PDF: variants seen among roughly 807,000 people sequenced by gnomAD.
The protein encoded by PDF is peptide deformylase-like protein.
A neutral mutation model predicts 20.3 loss-of-function variants in PDF; 31 were observed. The ratio of observed to expected loss-of-function variants is 1.52; its 90% CI spans 1.15 to 2.06. The LOEUF is 2.06. PDF is among the 30% of genes most tolerant of loss of function. PDF has a pLI of 0.00. For missense variants in PDF, 447 were observed against 362.5 expected (o/e 1.23, Z -1.89); for synonymous variants, 254 against 172.0 (o/e 1.48, Z -3.73).
In PDF at chr16:69,330,095, C is replaced by T. The variant is rs146706303; in HGVS notation, c.476G>A (p.Arg159Gln). 1.1e-4 allele frequency: 167 copies of T among 1,579,374 alleles called. No homozygotes were observed. The African/African-American group carries it at 1.8e-3, about 17-fold the overall frequency. ...PLRVFVNPSLRVLDSRLVTFP... is the reference protein window; with the variant it reads ...PLRVFVNPSLQVLDSRLVTFP... ...GGTGACCAGGCGGCTGTCAAGCACT[C>T]GCAGGCTGGGGTTCACGAACACGCG... Residue 159 changes from arginine to glutamine, a missense_variant, in exon 1 of 2, where the codon CGA (arginine) becomes CAA (glutamine). Physicochemically the swap from Arg to Gln is conservative, Grantham distance 43. Coordinates refer to ENST00000288022, the MANE Select transcript of PDF (RefSeq NM_022341.2).
intron 1 of PDF, 80 bp downstream of exon 1, chr16:69,329,917 G>T: frequency 1.4e-6 from 2 of 1,413,614 alleles, no homozygotes; most frequent in South Asian, 2.9e-5. Flanking sequence ...TATGAACCGC[G>T]ACCACTTCTG....
In PDF at chr16:69,330,509, C is replaced by G; in HGVS notation, c.62G>C (p.Gly21Ala). ...AGCCCGGACACCGACGGCTGCCGCC[C>G]CGCCCCACGGCACGGCCGCCCACAG... ...WPLWAAVPWG[G>A]AAAVGVRACS... is the part of the protein sequence containing the mutation. The change falls in exon 1 of 2, where the codon GGG becomes GCG. Residue 21 changes from glycine (G) to alanine (A), a missense_variant. Physicochemically the swap from Gly to Ala is moderately conservative, Grantham distance 60 (BLOSUM62 0). Transcript: ENST00000288022. 6.8e-7 allele frequency: 1 copy of G among 1,472,374 alleles called. No individual in the cohort carries two copies. The highest frequency in any genetic ancestry group is 8.9e-7 in the Non-Finnish European group (1 of 1,120,524). The allele number at this position is 1,472,374 out of a possible 1,614,324, so 91.2% of individuals were successfully genotyped here.
Position 69,330,336 on chromosome 16 carries a change from C to A in PDF, c.235G>T (p.Ala79Ser). 6.9e-7 allele frequency: 1 copy of A among 1,457,780 alleles called. No individual in the cohort carries two copies. Among genetic ancestry groups the A allele is most frequent in the Non-Finnish European group, 9.0e-7 (1 of 1,112,254 alleles). The allele number at this position is 1,457,780 out of a possible 1,614,324, so 90.3% of individuals were successfully genotyped here. A position where few individuals can be genotyped will look rare whatever the true frequency, so the allele number is the denominator to read the frequency against. Residue 79 changes from alanine to serine, a missense_variant, in exon 1 of 2, where the codon GCG becomes TCG. By Grantham distance (99) the Ala-to-Ser change is moderately conservative. Coordinates refer to ENST00000288022, the MANE Select transcript of PDF (RefSeq NM_022341.2). ...QVGDPVLRGVAAPVERAQLGG... is the reference protein window; with the variant it reads ...QVGDPVLRGVSAPVERAQLGG... Reference sequence around the variant, plus strand: ...AGCTGCGCCCGCTCCACCGGGGCCGCCACGCCGCGCAGCACCGGGTCCCCG... The same window carrying A: ...AGCTGCGCCCGCTCCACCGGGGCCGACACGCCGCGCAGCACCGGGTCCCCG...
Position 69,330,372 on chromosome 16 carries a change from C to G in PDF, c.199G>C (p.Val67Leu), listed in dbSNP as rs1193140900. Reference sequence around the variant, plus strand: ...AGCACCGGGTCCCCGACTTGGCACACGTGCGAGAACGGCGGTTCGGGAGGA... The same window carrying G: ...AGCACCGGGTCCCCGACTTGGCACAGGTGCGAGAACGGCGGTTCGGGAGGA... ...LGPPEPPFSHVCQVGDPVLRG... is the reference protein window; with the variant it reads ...LGPPEPPFSHLCQVGDPVLRG... Residue 67 changes from valine to leucine, a missense_variant, in exon 1 of 2, where the codon GTG (valine) becomes CTG (leucine). Physicochemically the swap from Val to Leu is conservative, Grantham distance 32. Coordinates refer to ENST00000288022, the MANE Select transcript of PDF (RefSeq NM_022341.2). The G allele has an allele frequency of 4.7e-6, 7 of 1,479,152 alleles. No individual in the cohort carries two copies. The highest frequency in any genetic ancestry group is 1.5e-5 in the African/African-American group (1 of 68,312). The allele number at this position is 1,479,152 out of a possible 1,614,324, so 91.6% of individuals were successfully genotyped here. A position where few individuals can be genotyped will look rare whatever the true frequency, so the allele number is the denominator to read the frequency against.
rs1462254794 is a variant in PDF at position 69,327,570 on chromosome 16, G to A, written c.*1452C>T. The A allele has an allele frequency of 2.0e-5, 3 of 151,996 alleles. No individual in the cohort carries two copies. The highest frequency in any genetic ancestry group is 4.4e-5 in the Non-Finnish European group (3 of 68,034). The allele number at this position is 151,996 out of a possible 1,614,324, so 9.4% of individuals were successfully genotyped here. ...ACAAAGGAGGATGGGTCTTTCCTGG[G>A]TTCATTTAACTGCCATTTATAACAC... On this transcript the variant is annotated 3_prime_UTR_variant, in exon 2 of 2. Coordinates refer to ENST00000288022, the MANE Select transcript of PDF (RefSeq NM_022341.2).
At chr16:69,329,274 T>G in intron 1 of PDF, 95 bp from the exon 2 acceptor site, 1 of 1,333,608 alleles carries the variant, frequency 7.5e-7, no homozygotes, top group Non-Finnish European at 9.8e-7. Context: ...CTGTTCCCAT[T>G]GACAAGAGGC....
At chr16:69,329,301 T>G (rs1486688989) in intron 1 of PDF, 122 bp from the exon 2 acceptor site, 2 of 1,029,100 alleles carry the variant, frequency 1.9e-6, no homozygotes, top group Non-Finnish European at 2.7e-6. Flanking sequence ...AGATGGCAAA[T>G]GTAGACAGCA....
In PDF at chr16:69,327,708, A is replaced by T. The variant is rs1291620821; in HGVS notation, c.*1314T>A. On this transcript the variant is annotated 3_prime_UTR_variant, in exon 2 of 2. Transcript: ENST00000288022. Reference sequence around the variant, plus strand: ...AAACTCAGCATAAAAATGAGGTGAAACAGTTTAACTAAAACTGGAGTTTGG... The same window carrying T: ...AAACTCAGCATAAAAATGAGGTGAATCAGTTTAACTAAAACTGGAGTTTGG... The T allele has an allele frequency of 6.6e-6, 1 of 152,130 alleles. No individual in the cohort carries two copies. The highest frequency in any genetic ancestry group is 1.5e-5 in the Non-Finnish European group (1 of 68,042). 9.4% of individuals were successfully genotyped at this position (152,130 alleles called of 1,614,324 possible). A position where few individuals can be genotyped will look rare whatever the true frequency, so the allele number is the denominator to read the frequency against.
rs2011700226 is a variant in PDF at position 69,330,344 on chromosome 16, C to T, written c.227G>A (p.Arg76His). Residue 76 changes from arginine (R) to histidine (H), a missense_variant, in exon 1 of 2, where the codon CGC becomes CAC. Transcript: ENST00000288022. ...HVCQVGDPVL[R>H]GVAAPVERAQ... Reference sequence around the variant, plus strand: ...CCGCTCCACCGGGGCCGCCACGCCGCGCAGCACCGGGTCCCCGACTTGGCA... The same window carrying T: ...CCGCTCCACCGGGGCCGCCACGCCGTGCAGCACCGGGTCCCCGACTTGGCA... 2 of 1,468,896 alleles carry T rather than the reference C, an allele frequency of 1.4e-6. No homozygotes were observed. The highest frequency in any genetic ancestry group is 1.5e-5 in the African/African-American group (1 of 68,152). 91.0% of individuals were successfully genotyped at this position (1,468,896 alleles called of 1,614,324 possible).
Position 69,330,122 on chromosome 16 carries a change from AG to A in PDF, c.448del (p.Leu150CysfsTer5). 1 of 1,582,448 alleles carries A rather than the reference AG, an allele frequency of 6.3e-7. No individual in the cohort carries two copies. The highest frequency in any genetic ancestry group is 8.6e-7 in the Non-Finnish European group (1 of 1,167,128). ...RALRQMEPFP[L>X]RVFVNPSLRV... is the part of the protein sequence containing the mutation. ...CAGGCTGGGGTTCACGAACACGCGC[AG>A]GGGGAAGGGCTCCATTTGGCGGAGC... On this transcript the variant is annotated frameshift_variant, in exon 1 of 2. Transcript: ENST00000288022. LOFTEE classifies it high-confidence loss of function.
chr16:69,330,229 C>T lies in PDF; in HGVS notation c.342G>A (p.Pro114=). The change falls in exon 1 of 2, where the codon CCG becomes CCA. Residue 114 remains proline (P), a synonymous_variant. Transcript: ENST00000288022. Reference sequence around the variant, plus strand: ...GCACCTGCCGCGGCACCCCCAGCTGCGGCGCGCTTAGGCCCACGCAGCGCC... The same window carrying T: ...GCACCTGCCGCGGCACCCCCAGCTGTGGCGCGCTTAGGCCCACGCAGCGCC... ...RRRRCVGLSA[P]QLGVPRQVLA... The T allele has an allele frequency of 6.9e-7, 1 of 1,451,302 alleles. No homozygotes were observed. 89.9% of individuals were successfully genotyped at this position (1,451,302 alleles called of 1,614,324 possible).
At chr16:69,329,791 G>A (rs1007780648) in intron 1 of PDF, among the ~76,000 whole-genome samples, 2 of 152,216 alleles carry the variant, frequency 1.3e-5, no homozygotes, top group South Asian at 2.1e-4. Flanking sequence ...CGGAACTAGG[G>A]GACCTCTCCT....
rs1382318950 is a variant in PDF, at chr16:69,328,943, G to A, written c.*79C>T. On this transcript the variant is annotated 3_prime_UTR_variant, in exon 2 of 2. Transcript: ENST00000288022. ...TCATATGCGAGCCATCCAAGTTGAT[G>A]CCAAGTAAGATTTGCCCAGCTCAAA... 3 of 1,538,360 alleles carry A rather than the reference G, an allele frequency of 2.0e-6. No individual in the cohort carries two copies. The highest frequency in any genetic ancestry group is 2.8e-5 in the African/African-American group (2 of 71,432).
chr16:69,327,768 T>C lies in PDF; in HGVS notation c.*1254A>G, dbSNP rs1965645928. 6.6e-6 allele frequency: 1 copy of C among 151,888 alleles called. No individual in the cohort carries two copies. Among genetic ancestry groups the C allele is most frequent in the South Asian group, 2.1e-4 (1 of 4,810 alleles). The allele number at this position is 151,888 out of a possible 1,614,324, so 9.4% of individuals were successfully genotyped here. On this transcript the variant is annotated 3_prime_UTR_variant, in exon 2 of 2. Transcript: ENST00000288022. ...GTGGCTCACAACTGATCCCAGCACT[T>C]TGGGAGGCCGAGGCAGGAGGATTGC...
chr16:69,329,255 C>G (rs960296633), intron 1 of PDF, 76 bp from the exon 2 acceptor site: 16 of 1,417,390 alleles, frequency 1.1e-5, no homozygotes, highest in Admixed American at 3.0e-5. Context: ...CCCCTGCCCC[C>G]GGTCCTGGCT....
chr16:69,330,328 CG>C lies in PDF; in HGVS notation c.242del (p.Pro81ArgfsTer7), dbSNP rs1439232550. ...GCCCGCCTAGCTGCGCCCGCTCCAC[CG>C]GGGCCGCCACGCCGCGCAGCACCGG... Reference protein sequence around the residue: ...GDPVLRGVAAPVERAQLGGPE... With the variant: ...GDPVLRGVAAXVERAQLGGPE... On this transcript the variant is annotated frameshift_variant, in exon 1 of 2. Coordinates refer to ENST00000288022, the MANE Select transcript of PDF (RefSeq NM_022341.2). LOFTEE classifies it high-confidence loss of function. 2 of 1,450,772 alleles carry C rather than the reference CG, an allele frequency of 1.4e-6. No individual in the cohort carries two copies. The allele number at this position is 1,450,772 out of a possible 1,614,324, so 89.9% of individuals were successfully genotyped here.
Position 69,327,396 on chromosome 16 carries a change from G to C in PDF, c.*1626C>G, listed in dbSNP as rs1965630649. ...TTGGCCAGGCTGGTCTTGAACTCCT[G>C]ACCTCAGGTGATCTGCCTGCCTTGA... On this transcript the variant is annotated 3_prime_UTR_variant, in exon 2 of 2. Transcript: ENST00000288022. 1 of 151,956 alleles carries C rather than the reference G, an allele frequency of 6.6e-6. No individual in the cohort carries two copies. The highest frequency in any genetic ancestry group is 1.5e-5 in the Non-Finnish European group (1 of 68,028). 9.4% of individuals were successfully genotyped at this position (151,956 alleles called of 1,614,324 possible).
chr16:69,329,769 G>A (rs1965727068), intron 1 of PDF, among the ~76,000 whole-genome samples: 2 of 152,242 alleles, frequency 1.3e-5, no homozygotes, highest in Admixed American at 1.3e-4. Flanking sequence ...ACGCCAGGCT[G>A]TCAGGTAACA....
At position 69,327,016 on chromosome 16, in the gene PDF, G is replaced by A. The variant is rs186011433; in HGVS notation, c.*2006C>T. 1.1e-4 allele frequency: 16 copies of A among 152,220 alleles called. No individual in the cohort carries two copies. Among genetic ancestry groups the A allele is most frequent in the African/African-American group, 3.9e-4 (16 of 41,536 alleles). The allele number at this position is 152,220 out of a possible 1,614,324, so 9.4% of individuals were successfully genotyped here. On this transcript the variant is annotated 3_prime_UTR_variant, in exon 2 of 2. Transcript: ENST00000288022. Reference sequence around the variant, plus strand: ...AAGATTGCCATAGCCCCCTGTAAGAGCTTCTGAACATTGTCCAAATGAAAG... The same window carrying A: ...AAGATTGCCATAGCCCCCTGTAAGAACTTCTGAACATTGTCCAAATGAAAG...
Sources: allele counts gnomAD v4.1 joint callset (sites outside exome capture counted in the v4.1 genomes callset), GRCh38; gene constraint gnomAD v4.1.1; transcripts MANE v1.5; gene names NCBI Gene and HGNC (gene_info 2026-07-23, HGNC 2026-07-21).